MARCHF6: variants seen among roughly 807,000 people sequenced by gnomAD.
MARCHF6 encodes the protein membrane associated ring-CH-type finger 6.
In MARCHF6, 31 loss-of-function variants were observed where a neutral mutation model predicts 133.7. That is an observed-to-expected ratio of 0.23 (90% CI 0.17 to 0.31). The LOEUF (loss-of-function observed/expected upper bound fraction) is 0.31, where lower values mean the gene tolerates loss of function less well. Ranked by LOEUF, MARCHF6 falls within the 10% of genes least tolerant of loss-of-function variation. MARCHF6 has a pLI of 1.00. For synonymous variants in MARCHF6, 395 were observed against 402.5 expected (o/e 0.98, Z 0.22); for missense variants, 723 against 1,121.6 (o/e 0.64, Z 5.08).
chr5:10,389,104 T>C (rs1056361023), intron 5 of MARCHF6, among the ~76,000 whole-genome samples: 1 of 152,112 alleles, frequency 6.6e-6, no homozygotes, highest in African/African-American at 2.4e-5. Context: ...CCTTCTCAGG[T>C]TTTCTATGGA....
intron 5 of MARCHF6, among the ~76,000 whole-genome samples, chr5:10,387,324 A>G (rs1468656480): frequency 7.1e-6 from 1 of 140,484 alleles, no homozygotes; most frequent in Non-Finnish European, 1.5e-5. Context: ...TTTTTTTGAG[A>G]TGGAGTCTTG....
chr5:10,373,490 A>C (rs1736583664), intron 1 of MARCHF6, among the ~76,000 whole-genome samples: 1 of 152,110 alleles, frequency 6.6e-6, no homozygotes, highest in African/African-American at 2.4e-5. Context: ...TCTAGGTGGC[A>C]GTGTTTTGTA....
chr5:10,439,498 A>G lies in MARCHF6; in HGVS notation c.*5814A>G, dbSNP rs1418158164. 2 of 152,242 alleles carry G rather than the reference A, an allele frequency of 1.3e-5. No individual in the cohort carries two copies. Among genetic ancestry groups the G allele is most frequent in the Non-Finnish European group, 2.9e-5 (2 of 68,052 alleles). 9.4% of individuals were successfully genotyped at this position (152,242 alleles called of 1,614,324 possible). On this transcript the variant is annotated 3_prime_UTR_variant, in exon 26 of 26. Transcript: ENST00000274140. Reference sequence around the variant, plus strand: ...GAAAGGTACCATAAGGAGAACAAAAAGACAAGCTGTAGAGTGGCAGAAAAA... The same window carrying G: ...GAAAGGTACCATAAGGAGAACAAAAGGACAAGCTGTAGAGTGGCAGAAAAA...
chr5:10,358,181 T>C (rs574284713), intron 1 of MARCHF6, among the ~76,000 whole-genome samples: 1 of 152,152 alleles, frequency 6.6e-6, no homozygotes, highest in South Asian at 2.1e-4. Flanking sequence ...GTGTCTAAGA[T>C]GGGAGCATGC....
rs1196915018 is a variant in MARCHF6 at position 10,423,746 on chromosome 5, T to C, written c.2295T>C (p.Leu765=). The C allele has an allele frequency of 1.2e-6, 2 of 1,612,084 alleles. No individual in the cohort carries two copies. The highest frequency in any genetic ancestry group is 1.7e-6 in the Non-Finnish European group (2 of 1,178,416). Residue 765 remains leucine (L), a synonymous_variant, in exon 23 of 26, where the codon CTT becomes CTC. Coordinates refer to ENST00000274140, the MANE Select transcript of MARCHF6 (RefSeq NM_005885.4). ...PLFYPWQDWA[L]GVLHAKIIAA... ...TTTTAATTCCCTAGGACTGGGCACT[T>C]GGAGTCCTGCATGCCAAAATCATTG...
intron 18 of MARCHF6, 64 bp downstream of exon 18, chr5:10,410,340 G>A (rs1739147190): frequency 4.5e-6 from 7 of 1,549,612 alleles, no homozygotes; most frequent in Non-Finnish European, 6.1e-6. Flanking sequence ...TAACCTTTCT[G>A]GAAAAAGTAT....
At chr5:10,375,702 T>C in intron 1 of MARCHF6, among the ~76,000 whole-genome samples, 1 of 152,090 alleles carries the variant, frequency 6.6e-6, no homozygotes, top group South Asian at 2.1e-4. Context: ...TGTGTTTAGC[T>C]CAAGGTTTGT....
intron 22 of MARCHF6, among the ~76,000 whole-genome samples, chr5:10,422,702 C>G (rs993861952): frequency 7.1e-6 from 1 of 141,328 alleles, no homozygotes; most frequent in African/African-American, 3.2e-5. Flanking sequence ...CTTAGAATAA[C>G]CAATCAAACC....
chr5:10,379,040 C>T (rs1018158846), intron 3 of MARCHF6, among the ~76,000 whole-genome samples: 1 of 151,268 alleles, frequency 6.6e-6, no homozygotes, highest in Admixed American at 6.6e-5. Context: ...TCTTTTATCA[C>T]ACACATGTTT....
At chr5:10,354,058 G>C in intron 1 of MARCHF6, 141 bp downstream of exon 1, 1 of 791,186 alleles carries the variant, frequency 1.3e-6, no homozygotes, top group Admixed American at 4.4e-5. Context: ...CTGGGCCTCT[G>C]GGCCGGGGAG....
At chr5:10,391,061 A>T (rs1199665209) in intron 6 of MARCHF6, among the ~76,000 whole-genome samples, 2 of 152,252 alleles carry the variant, frequency 1.3e-5, no homozygotes, top group Non-Finnish European at 2.9e-5. Flanking sequence ...AGATACATTT[A>T]AAAAAGATGT....
chr5:10,378,612 C>A, intron 2 of MARCHF6, 147 bp from the exon 3 acceptor site: 1 of 551,636 alleles, frequency 1.8e-6, no homozygotes, highest in Non-Finnish European at 3.2e-6. Context: ...AAGGCAGTTA[C>A]AAAAAGTTAA....
intron 9 of MARCHF6, among the ~76,000 whole-genome samples, chr5:10,396,215 G>A (rs1738181495): frequency 6.6e-6 from 1 of 152,196 alleles, no homozygotes; most frequent in Admixed American, 6.5e-5. Flanking sequence ...ATGCTCTATA[G>A]TGTGGTAGAG....
rs559492870 is a variant in MARCHF6 at position 10,434,946 on chromosome 5, C to A, written c.*1262C>A. 1 of 152,666 alleles carries A rather than the reference C, an allele frequency of 6.6e-6. No homozygotes were observed. The highest frequency in any genetic ancestry group is 6.5e-5 in the Admixed American group (1 of 15,296). The allele number at this position is 152,666 out of a possible 1,614,324, so 9.5% of individuals were successfully genotyped here. On this transcript the variant is annotated 3_prime_UTR_variant, in exon 26 of 26. Transcript: ENST00000274140. Reference sequence around the variant, plus strand: ...CTGAACCCTTACAAACTTTGTTTTCCCTCATAACCAAAGCTTCAGGTTAGA... The same window carrying A: ...CTGAACCCTTACAAACTTTGTTTTCACTCATAACCAAAGCTTCAGGTTAGA...
At position 10,415,604 on chromosome 5, in the gene MARCHF6, A is replaced by T; in HGVS notation, c.2083A>T (p.Met695Leu). The T allele has an allele frequency of 1.2e-6, 2 of 1,614,150 alleles. No homozygotes were observed. The highest frequency in any genetic ancestry group is 1.1e-5 in the South Asian group (1 of 91,078). Residue 695 changes from methionine (M) to leucine (L), a missense_variant, in exon 21 of 26, where the codon ATG becomes TTG. By Grantham distance (15) the Met-to-Leu change is conservative. Coordinates refer to ENST00000274140, the MANE Select transcript of MARCHF6 (RefSeq NM_005885.4). ...GCTAACCATAAGGGCTGTGACGGTG[A>T]TGGTGGCATGGATGCCTCAGGGACG... is the stretch of plus-strand genomic sequence containing the variant. Reference protein sequence around the residue: ...CWLTIRAVTVMVAWMPQGRRV... With the variant: ...CWLTIRAVTVLVAWMPQGRRV...
At chr5:10,361,679 A>C (rs1199548545) in intron 1 of MARCHF6, among the ~76,000 whole-genome samples, 2 of 152,214 alleles carry the variant, frequency 1.3e-5, no homozygotes, top group East Asian at 1.9e-4. Flanking sequence ...AGTGCAATTC[A>C]GCCCATGATA....
rs1483113592 is a variant in MARCHF6 at position 10,353,728 on chromosome 5, T to G, written c.-171T>G. ...CCCTCCCCCTCCCGTGTCGCTCGCT[T>G]TCTGTCAGCCTCTCTCCCTCTCCCT... is the stretch of plus-strand genomic sequence containing the variant. On this transcript the variant is annotated 5_prime_UTR_variant, in exon 1 of 26. Coordinates refer to ENST00000274140, the MANE Select transcript of MARCHF6 (RefSeq NM_005885.4). The G allele has an allele frequency of 7.0e-6, 2 of 286,834 alleles. No individual in the cohort carries two copies. The highest frequency in any genetic ancestry group is 1.4e-5 in the Non-Finnish European group (2 of 141,174). The allele number at this position is 286,834 out of a possible 1,614,324, so 17.8% of individuals were successfully genotyped here.
At chr5:10,354,189 G>T (rs552936343) in intron 1 of MARCHF6, among the ~76,000 whole-genome samples, 1 of 152,166 alleles carries the variant, frequency 6.6e-6, no homozygotes, top group South Asian at 2.1e-4. Flanking sequence ...GCAGGCCGGC[G>T]TGGCCTCCCT....
In MARCHF6 at chr5:10,388,884, CAGTT is replaced by C. The variant is rs1410983896; in HGVS notation, c.408-1445_408-1442del. Among the ~76,000 whole-genome samples, 13 of 152,250 alleles carry C rather than the reference CAGTT, an allele frequency of 8.5e-5. No homozygotes were observed. The East Asian group carries it at 2.3e-3, about 27-fold the overall frequency. On this transcript the variant is annotated intron_variant, in intron 5 of 25. Transcript: ENST00000274140. ...CCAAATGTTTAAAATCTGTAACAAA[CAGTT>C]AGGATTATTGCTGATAGCAAGGAAG...
Sources: gnomAD v4.1 joint callset for allele counts (sites outside exome capture counted in the v4.1 genomes callset) on GRCh38, gnomAD v4.1.1 for gene constraint, MANE v1.5 for transcripts, NCBI Gene and HGNC (gene_info 2026-07-23, HGNC 2026-07-21) for gene names.